Variants in IGSF11 observed in about 807,000 individuals in gnomAD.
IGSF11 encodes the protein CXADR like 1.
A neutral mutation model predicts 41.0 loss-of-function variants in IGSF11; 22 were observed. The ratio of observed to expected loss-of-function variants is 0.54; its 90% CI spans 0.38 to 0.77. The LOEUF (loss-of-function observed/expected upper bound fraction) is 0.77. IGSF11 is among the 30% of genes least tolerant of loss of function. The pLI is 0.00. For synonymous variants in IGSF11, 219 were observed against 201.3 expected (o/e 1.09, Z -0.74); for missense variants, 444 against 530.8 (o/e 0.84, Z 1.61).
Position 119,003,408 on chromosome 3 carries a change from G to A in IGSF11, c.52+31123C>T, listed in dbSNP as rs902485422. Among the ~76,000 whole-genome samples, 6 of 150,524 alleles carry A rather than the reference G, an allele frequency of 4.0e-5. 1 individual carries two copies. The highest frequency in any genetic ancestry group is 1.5e-4 in the African/African-American group (6 of 40,042). ...TGGGGTTTTCCAGATAAACAATCAT[G>A]TCGTCTGCAAACAGGGACAATTTGA... On this transcript the variant is annotated intron_variant, in intron 1 of 6. Coordinates refer to ENST00000393775, the MANE Select transcript of IGSF11 (RefSeq NM_001015887.3).
chr3:119,105,106 T>C, intron 1 of IGSF11: 2 of 1,391,962 alleles, frequency 1.4e-6, no homozygotes, highest in Non-Finnish European at 2.0e-6. Flanking sequence ...TAATAACCAC[T>C]AATAGTAATA....
chr3:118,945,941 T>A (rs1000984751), intron 1 of IGSF11: 5 of 152,150 alleles, frequency 3.3e-5, no homozygotes, highest in African/African-American at 7.2e-5. Context: ...GTAATTTTTT[T>A]AAATATAGCA....
chr3:118,903,065 A>C lies in IGSF11; in HGVS notation c.855-104T>G, dbSNP rs1461742100. The C allele has an allele frequency of 4.0e-5, 45 of 1,114,560 alleles. 2 individuals carry two copies. The South Asian group carries it at 6.5e-4, about 16-fold the overall frequency. The allele number at this position is 1,114,560 out of a possible 1,614,324, so 69.0% of individuals were successfully genotyped here. A position where few individuals can be genotyped will look rare whatever the true frequency, so the allele number is the denominator to read the frequency against. On this transcript the variant is annotated intron_variant, in intron 6 of 6. Transcript: ENST00000393775. ...CATGTCAGGGCTTATACATCCAAAA[A>C]ACAAATCCAGGAGAGACTACTCTAT...
chr3:118,934,146 A>C (rs1225989200), intron 1 of IGSF11, among the ~76,000 whole-genome samples: 1 of 152,152 alleles, frequency 6.6e-6, no homozygotes, highest in Non-Finnish European at 1.5e-5. Context: ...AGCACTCTCT[A>C]TAGTCTCTCC....
intron 1 of IGSF11, among the ~76,000 whole-genome samples, chr3:119,022,282 C>G (rs11915918): frequency 0.15 from 23,402 of 151,930 alleles, 1,861 homozygotes; most frequent in East Asian, 0.19. Context: ...TAAGTGGAAA[C>G]GGGGAGGTAT....
chr3:119,048,094 A>G (rs1177657210), intron 1 of IGSF11, among the ~76,000 whole-genome samples: 3 of 151,732 alleles, frequency 2.0e-5, no homozygotes, highest in South Asian at 2.1e-4. Context: ...AGAACTAGAA[A>G]AGCAAGAGCA....
At chr3:119,006,735 A>AC (rs1362143699) in intron 1 of IGSF11, among the ~76,000 whole-genome samples, 1 of 150,270 alleles carries the variant, frequency 6.7e-6, no homozygotes, top group Non-Finnish European at 1.5e-5. Flanking sequence ...GTGAGGTGTC[A>AC]CTGTGCCCCT....
At chr3:119,000,867 T>C (rs1029791365) in intron 1 of IGSF11, among the ~76,000 whole-genome samples, 1 of 152,178 alleles carries the variant, frequency 6.6e-6, no homozygotes, top group Non-Finnish European at 1.5e-5. Flanking sequence ...CTTTAGATCA[T>C]ATCACTCGGT....
chr3:118,930,556 G>A (rs1278539776), intron 1 of IGSF11, among the ~76,000 whole-genome samples: 5 of 152,196 alleles, frequency 3.3e-5, no homozygotes, highest in Non-Finnish European at 5.9e-5. Flanking sequence ...CGACACAGAT[G>A]AATTCAACTG....
intron 1 of IGSF11, among the ~76,000 whole-genome samples, chr3:119,079,138 A>C (rs1031528559): frequency 6.6e-6 from 1 of 152,266 alleles, no homozygotes. Flanking sequence ...TGGGCAGATC[A>C]CCTGAGGTCA....
chr3:119,010,819 C>T (rs1187408967), intron 1 of IGSF11, among the ~76,000 whole-genome samples: 1 of 152,110 alleles, frequency 6.6e-6, no homozygotes, highest in Non-Finnish European at 1.5e-5. Context: ...ATATACCTTC[C>T]CAGGTTAGCA....
In IGSF11 at chr3:118,911,077, AC is replaced by A. The variant is rs1258090248; in HGVS notation, c.581-5360del. Among the ~76,000 whole-genome samples, 15 of 151,880 alleles carry A rather than the reference AC, an allele frequency of 9.9e-5. 1 individual carries two copies. The highest frequency in any genetic ancestry group is 9.8e-4 in the Admixed American group (15 of 15,246). On this transcript the variant is annotated intron_variant, in intron 4 of 6. Transcript: ENST00000393775. ...ATTTCTCCACCTGCCCCAACACTCA[AC>A]TCTGAAGCAGTTGCAGAGTAAGGTG...
rs1175348778 is a variant in IGSF11 at position 119,094,223 on chromosome 3, T to TAAAAAAAAAAAAAAAAAAAAAAA, written c.49+10898_49+10920dup. Among the ~76,000 whole-genome samples the TAAAAAAAAAAAAAAAAAAAAAAA allele has an allele frequency of 4.3e-4, 15 of 35,072 alleles. 1 individual carries two copies. The highest frequency in any genetic ancestry group is 1.3e-3 in the East Asian group (1 of 760). The allele number at this position is 35,072 out of a possible 152,430, so 23.0% of individuals were successfully genotyped here. A position where few individuals can be genotyped will look rare whatever the true frequency, so the allele number is the denominator to read the frequency against. On this transcript the variant is annotated intron_variant, in intron 1 of 6. Transcript: ENST00000354673. Reference sequence around the variant, plus strand: ...TGGAAAGAAGGACTACATAGCGAAGTAAAAAAAAAAAAAAAAAAAAAAAAA... The same window carrying TAAAAAAAAAAAAAAAAAAAAAAA: ...TGGAAAGAAGGACTACATAGCGAAGTAAAAAAAAAAAAAAAAAAAAAAAAAAAAAAAAAAAAAAAAAAAAAAAA...
intron 1 of IGSF11, among the ~76,000 whole-genome samples, chr3:118,979,626 A>T (rs1445371935): frequency 6.6e-6 from 1 of 152,212 alleles, no homozygotes; most frequent in African/African-American, 2.4e-5. Flanking sequence ...GTAGGCAAAG[A>T]TTTTATGGCT....
intron 1 of IGSF11, among the ~76,000 whole-genome samples, chr3:119,003,920 T>A (rs1244380396): frequency 6.7e-6 from 1 of 150,028 alleles, no homozygotes; most frequent in East Asian, 1.9e-4. Context: ...TGGTCTAATA[T>A]TCTCTTTTTT....
intron 1 of IGSF11, among the ~76,000 whole-genome samples, chr3:119,000,063 CTTTTTTTTTTTTT>C (rs1297321950): frequency 1.0e-5 from 1 of 98,750 alleles, no homozygotes; most frequent in African/African-American, 4.0e-5. Context: ...ATTCATTATT[CTTTTTTTTTTTTT>C]TTTTTTTTTG....
chr3:119,098,852 C>T (rs1413680174), intron 1 of IGSF11, among the ~76,000 whole-genome samples: 1 of 152,150 alleles, frequency 6.6e-6, no homozygotes, highest in Middle Eastern at 3.2e-3. Context: ...AGGTGATGTC[C>T]TCAATTGGCT....
intron 4 of IGSF11, among the ~76,000 whole-genome samples, chr3:118,907,932 A>AATGTGCCT (rs1250009067): frequency 6.6e-6 from 1 of 152,232 alleles, no homozygotes; most frequent in Non-Finnish European, 1.5e-5. Flanking sequence ...TAAACTAAGC[A>AATGTGCCT]ATGTGCCTAT....
At chr3:119,083,008 C>T (rs192657275) in intron 1 of IGSF11, among the ~76,000 whole-genome samples, 18 of 152,128 alleles carry the variant, frequency 1.2e-4, no homozygotes, top group Admixed American at 7.8e-4. Context: ...ATGAAGAAGG[C>T]TAAATTGACC....
Sources: gnomAD v4.1 joint callset for allele counts (sites outside exome capture counted in the v4.1 genomes callset) on GRCh38, gnomAD v4.1.1 for gene constraint, MANE v1.5 for transcripts, NCBI Gene and HGNC (gene_info 2026-07-23, HGNC 2026-07-21) for gene names.